Variants in DNAH17 observed in about 807,000 individuals in gnomAD.
DNAH17 encodes the protein axonemal beta dynein heavy chain 17.
Under a neutral mutation model 485.6 loss-of-function variants are expected in DNAH17, and 376 were observed. That is an observed-to-expected ratio of 0.77 (90% CI 0.71 to 0.84). DNAH17 has a LOEUF of 0.84. DNAH17 is among the 40% of genes least tolerant of loss of function. The pLI is 0.00. For synonymous variants in DNAH17, 3,031 were observed against 2,405.9 expected, an observed-to-expected ratio of 1.26 and a Z score of -7.60; for missense variants, 6,370 against 5,839.3, an observed-to-expected ratio of 1.09 and a Z score of -2.96.
At chr17:78,436,252 C>G (rs1239992362) in intron 74 of DNAH17, among the ~76,000 whole-genome samples, 1 of 151,584 alleles carries the variant, frequency 6.6e-6, no homozygotes, top group East Asian at 1.9e-4. Context: ...CATGGTGAAA[C>G]CCCATCTCTA....
chr17:78,461,544 C>A lies in DNAH17; in HGVS notation c.9339G>T (p.Lys3113Asn), dbSNP rs781490851. ...QEEVKVEVIN[K>N]NVTEKQKACE... The stretch of plus-strand genomic sequence containing the variant: ...GGCACGCTGGGCTGCCTTCACCTAC[C>A]TTATTGATGACCTCGACCTTGACTT... The change falls in exon 58 of 81, where the codon AAG becomes AAT. Residue 3113 changes from lysine (K) to asparagine (N), a missense_variant and splice_region_variant. By Grantham distance (94) the Lys-to-Asn change is moderately conservative. Transcript: ENST00000389840. The A allele has an allele frequency of 1.9e-6, 3 of 1,584,318 alleles. No individual in the cohort carries two copies. The highest frequency in any genetic ancestry group is 1.2e-5 in the South Asian group (1 of 86,498).
intron 40 of DNAH17, 107 bp from the exon 41 acceptor site, chr17:78,494,280 C>T: frequency 2.0e-6 from 3 of 1,466,544 alleles, no homozygotes; most frequent in South Asian, 2.7e-5. Context: ...ATAAAGGCGC[C>T]CTTGCCCTCC....
intron 56 of DNAH17, 57 bp from the exon 57 acceptor site, chr17:78,463,134 T>C (rs897277008): frequency 6.5e-6 from 10 of 1,542,234 alleles, no homozygotes; most frequent in Admixed American, 1.8e-5. Flanking sequence ...ATCAGCAAAG[T>C]GGGGCTCCCC....
At chr17:78,510,337 T>C (rs1428384309) in intron 27 of DNAH17, 47 bp downstream of exon 27, 18 of 1,601,256 alleles carry the variant, frequency 1.1e-5, no homozygotes, top group African/African-American at 2.7e-5. Flanking sequence ...GGGGGCAGTT[T>C]CAGGCTGATC....
chr17:78,448,823 C>T (rs1032451657), intron 69 of DNAH17, among the ~76,000 whole-genome samples: 3 of 152,196 alleles, frequency 2.0e-5, no homozygotes, highest in Non-Finnish European at 4.4e-5. Flanking sequence ...TGGGATGACA[C>T]AGCAAGAAGG....
intron 13 of DNAH17, among the ~76,000 whole-genome samples, chr17:78,558,707 G>A (rs1391182003): frequency 6.6e-6 from 1 of 152,200 alleles, no homozygotes; most frequent in Non-Finnish European, 1.5e-5. Flanking sequence ...CTACCCACAA[G>A]TGGTTTGGAG....
chr17:78,493,971 C>T (rs1316709660), intron 41 of DNAH17, 65 bp downstream of exon 41: 1 of 1,545,952 alleles, frequency 6.5e-7, no homozygotes, highest in African/African-American at 1.4e-5. Flanking sequence ...GGAGGGCCGA[C>T]CCTTCGCCCC....
At chr17:78,481,310 A>C (rs1038919106) in intron 48 of DNAH17, among the ~76,000 whole-genome samples, 5 of 151,656 alleles carry the variant, frequency 3.3e-5, no homozygotes, top group African/African-American at 1.2e-4. Flanking sequence ...TCACCGTGTT[A>C]GCCAGGATGG....
intron 35 of DNAH17, chr17:78,500,869 C>T (rs1209692537): frequency 1.6e-5 from 4 of 256,400 alleles, no homozygotes; most frequent in Non-Finnish European, 2.9e-5. Flanking sequence ...GCAGAGGCAG[C>T]CCAGGTGCCT....
intron 17 of DNAH17, among the ~76,000 whole-genome samples, chr17:78,541,409 T>C (rs540650706): frequency 6.7e-6 from 1 of 148,844 alleles, no homozygotes; most frequent in Non-Finnish European, 1.5e-5. Context: ...GGGTGGATGG[T>C]TGGATGGATG....
intron 54 of DNAH17, among the ~76,000 whole-genome samples, chr17:78,474,263 C>G (rs1443335067): frequency 6.6e-6 from 1 of 152,262 alleles, no homozygotes; most frequent in Non-Finnish European, 1.5e-5. Context: ...GTCCTGGCCC[C>G]ACAACAGCGG....
At chr17:78,452,641 G>A (rs901783577) in intron 65 of DNAH17, among the ~76,000 whole-genome samples, 1 of 152,212 alleles carries the variant, frequency 6.6e-6, no homozygotes, top group African/African-American at 2.4e-5. Flanking sequence ...GGGAGGCTGA[G>A]GCAGGAGAAT....
At chr17:78,469,605 G>A (rs1356277840) in intron 54 of DNAH17, among the ~76,000 whole-genome samples, 1 of 152,172 alleles carries the variant, frequency 6.6e-6, no homozygotes, top group Non-Finnish European at 1.5e-5. Flanking sequence ...ATAAAAGAAG[G>A]GTGCAGGAGA....
chr17:78,552,437 T>C (rs1200436705), intron 15 of DNAH17, among the ~76,000 whole-genome samples: 2 of 152,016 alleles, frequency 1.3e-5, no homozygotes, highest in Non-Finnish European at 2.9e-5. Context: ...CAAGCCCAGT[T>C]TGGGAAACTT....
rs146186958 is a variant in DNAH17 at position 78,459,815 on chromosome 17, G to A, written c.9622C>T (p.His3208Tyr). 6.2e-5 allele frequency: 100 copies of A among 1,614,064 alleles called. No individual in the cohort carries two copies. The African/African-American group carries it at 1.2e-3, about 20-fold the overall frequency. The change falls in exon 60 of 81, where the codon CAC becomes TAC. Residue 3208 changes from histidine to tyrosine, a missense_variant. Coordinates refer to ENST00000389840, the MANE Select transcript of DNAH17 (RefSeq NM_173628.4). ...GCCTTCAGGCAGGCCTCAGGGATGTGCTCCTTGTCGAACTTCTTCAGGGAG... is the reference window on the plus strand; with the variant it reads ...GCCTTCAGGCAGGCCTCAGGGATGTACTCCTTGTCGAACTTCTTCAGGGAG... ...LDSLKKFDKE[H>Y]IPEACLKAFK...
intron 37 of DNAH17, among the ~76,000 whole-genome samples, chr17:78,498,568 C>G (rs1264570117): frequency 6.6e-6 from 1 of 152,226 alleles, no homozygotes; most frequent in African/African-American, 2.4e-5. Context: ...CCCAGCCACT[C>G]CGCTGCACGC....
rs1382176123 is a variant in DNAH17, at chr17:78,570,228, G to A, written c.1044+19C>T. 4 of 1,566,616 alleles carry A rather than the reference G, an allele frequency of 2.6e-6. No homozygotes were observed. Among genetic ancestry groups the A allele is most frequent in the Non-Finnish European group, 3.5e-6 (4 of 1,154,836 alleles). ...GCCAGGAGGGGAGGAAGGGGACCCAGGGGCCAGGGGAGGGTTACCATCTCG... is the reference window on the plus strand; with the variant it reads ...GCCAGGAGGGGAGGAAGGGGACCCAAGGGCCAGGGGAGGGTTACCATCTCG... On this transcript the variant is annotated intron_variant, in intron 7 of 80. Coordinates refer to ENST00000389840, the MANE Select transcript of DNAH17 (RefSeq NM_173628.4).
chr17:78,466,955 G>T (rs2088498648), intron 55 of DNAH17, 139 bp from the exon 56 acceptor site: 1 of 862,016 alleles, frequency 1.2e-6, no homozygotes, highest in Admixed American at 3.6e-5. Context: ...GCACAGTCCT[G>T]GTTCTGGGTT....
chr17:78,425,248 C>G, intron 80 of DNAH17, 98 bp downstream of exon 80: 1 of 1,276,440 alleles, frequency 7.8e-7, no homozygotes, highest in Non-Finnish European at 1.1e-6. Context: ...CCCCACAGCT[C>G]TTGAACAGCC....
Sources: allele counts gnomAD v4.1 joint callset (sites outside exome capture counted in the v4.1 genomes callset), GRCh38; gene constraint gnomAD v4.1.1; transcripts MANE v1.5; gene names NCBI Gene and HGNC (gene_info 2026-07-23, HGNC 2026-07-21).